Variants in KHDRBS3 observed in about 807,000 individuals in gnomAD.
KHDRBS3 encodes the protein KH domain-containing, RNA-binding, signal transduction-associated protein 3.
In KHDRBS3, 23 loss-of-function variants were observed where a neutral mutation model predicts 45.6. The observed-to-expected ratio is 0.50, with a 90% CI of 0.36 to 0.72. The LOEUF (loss-of-function observed/expected upper bound fraction) is 0.72, where lower values mean the gene tolerates loss of function less well. Ranked by LOEUF, KHDRBS3 falls within the 30% of genes least tolerant of loss-of-function variation. The pLI, the probability that KHDRBS3 is intolerant of heterozygous loss-of-function variation, is 0.00. For missense variants in KHDRBS3, 352 were observed against 424.8 expected (o/e 0.83, Z 1.51); for synonymous variants, 162 against 156.5 (o/e 1.04, Z -0.26).
intron 1 of KHDRBS3, among the ~76,000 whole-genome samples, chr8:135,495,901 C>T (rs576862450): frequency 2.0e-5 from 3 of 152,096 alleles, no homozygotes; most frequent in African/African-American, 7.2e-5. Context: ...GAAGTAGTTA[C>T]TTGGGTTTTA....
chr8:135,530,763 C>G (rs758679637), intron 2 of KHDRBS3, among the ~76,000 whole-genome samples: 1 of 152,104 alleles, frequency 6.6e-6, no homozygotes, highest in Non-Finnish European at 1.5e-5. Flanking sequence ...TGCCAGATAC[C>G]AGGACATAAT....
chr8:135,515,107 C>G (rs1041412093), intron 1 of KHDRBS3, among the ~76,000 whole-genome samples: 1 of 151,940 alleles, frequency 6.6e-6, no homozygotes, highest in Non-Finnish European at 1.5e-5. Flanking sequence ...TGGCTCACGC[C>G]TGTAATCCCA....
At chr8:135,574,463 A>T (rs1827861070) in intron 5 of KHDRBS3, among the ~76,000 whole-genome samples, 1 of 152,252 alleles carries the variant, frequency 6.6e-6, no homozygotes, top group Non-Finnish European at 1.5e-5. Flanking sequence ...CGAGTGGTGC[A>T]TAACCAACAA....
rs1412879460 is a variant in KHDRBS3 at position 135,608,405 on chromosome 8, G to T, written c.890+1368G>T. Reference sequence around the variant, plus strand: ...TTGCTGAGTGCATACTATATTCCTGGCACTGTTTCCATAAGTTCTGTAAGG... The same window carrying T: ...TTGCTGAGTGCATACTATATTCCTGTCACTGTTTCCATAAGTTCTGTAAGG... On this transcript the variant is annotated intron_variant, in intron 7 of 8. Coordinates refer to ENST00000355849, the MANE Select transcript of KHDRBS3 (RefSeq NM_006558.3). 2.6e-5 allele frequency among the ~76,000 whole-genome samples: 4 copies of T among 152,084 alleles called. No individual in the cohort carries two copies. The East Asian group carries it at 7.7e-4, about 29-fold the overall frequency.
chr8:135,560,506 A>G (rs1041312241), intron 5 of KHDRBS3, among the ~76,000 whole-genome samples: 1 of 152,136 alleles, frequency 6.6e-6, no homozygotes. Context: ...TGTTTAGGGG[A>G]TACTGTGTTC....
intron 1 of KHDRBS3, among the ~76,000 whole-genome samples, chr8:135,515,365 TAAAAAAAAAAAAAAAAAAAAAAAAAAAA>T (rs59502823): frequency 2.5e-5 from 1 of 39,716 alleles, no homozygotes; most frequent in Non-Finnish European, 4.8e-5. Context: ...GACTCCGTCT[TAAAAAAAAAAAAAAAAAAAAAAAAAAAA>T]AAAAAAAAAG....
chr8:135,536,633 G>T (rs1586681314), intron 2 of KHDRBS3, among the ~76,000 whole-genome samples: 1 of 152,150 alleles, frequency 6.6e-6, no homozygotes, highest in Non-Finnish European at 1.5e-5. Context: ...CTAGACTAGG[G>T]TGGTTGTGGG....
chr8:135,566,414 TATAATA>T (rs1386078365), intron 5 of KHDRBS3, among the ~76,000 whole-genome samples: 1 of 152,202 alleles, frequency 6.6e-6, no homozygotes, highest in Non-Finnish European at 1.5e-5. Flanking sequence ...GCCAAAGTAT[TATAATA>T]ATATCTTCAT....
intron 5 of KHDRBS3, among the ~76,000 whole-genome samples, chr8:135,565,609 C>T (rs1320211344): frequency 6.6e-6 from 1 of 152,180 alleles, no homozygotes; most frequent in Non-Finnish European, 1.5e-5. Context: ...CTGCCCTGTG[C>T]ACTTGTGGTT....
intron 2 of KHDRBS3, among the ~76,000 whole-genome samples, chr8:135,529,307 G>C (rs1825349388): frequency 6.6e-6 from 1 of 152,104 alleles, no homozygotes; most frequent in Non-Finnish European, 1.5e-5. Flanking sequence ...CTCTGGACTT[G>C]GGTCTTGTGA....
At chr8:135,576,854 C>A (rs930881143) in intron 5 of KHDRBS3, among the ~76,000 whole-genome samples, 9 of 152,070 alleles carry the variant, frequency 5.9e-5, no homozygotes, top group African/African-American at 2.2e-4. Flanking sequence ...CATATTTAAC[C>A]ATCTGTAAAT....
At chr8:135,639,671 C>G (rs373497148) in intron 7 of KHDRBS3, among the ~76,000 whole-genome samples, 1 of 152,230 alleles carries the variant, frequency 6.6e-6, no homozygotes, top group Non-Finnish European at 1.5e-5. Flanking sequence ...TTAATTGGCT[C>G]ACAGTTCTGC....
At chr8:135,532,046 A>G (rs1233890152) in intron 2 of KHDRBS3, among the ~76,000 whole-genome samples, 1 of 152,128 alleles carries the variant, frequency 6.6e-6, no homozygotes, top group African/African-American at 2.4e-5. Flanking sequence ...CAGTAATGCA[A>G]AGCTTGACTC....
intron 7 of KHDRBS3, among the ~76,000 whole-genome samples, chr8:135,623,064 G>T (rs1830213937): frequency 6.6e-6 from 1 of 152,062 alleles, no homozygotes; most frequent in African/African-American, 2.4e-5. Context: ...TTTCAACCTG[G>T]TTTTTCAATG....
chr8:135,520,102 C>T (rs1824832438), intron 1 of KHDRBS3, among the ~76,000 whole-genome samples: 1 of 152,208 alleles, frequency 6.6e-6, no homozygotes, highest in African/African-American at 2.4e-5. Flanking sequence ...TCTTTGTCAT[C>T]TGTCTTGAGG....
chr8:135,463,260 G>A (rs1489107341), intron 1 of KHDRBS3, among the ~76,000 whole-genome samples: 3 of 152,160 alleles, frequency 2.0e-5, no homozygotes, highest in Non-Finnish European at 4.4e-5. Context: ...AGTGTTACGT[G>A]TTAATTATCA....
intron 6 of KHDRBS3, among the ~76,000 whole-genome samples, chr8:135,606,147 T>C (rs1829452120): frequency 6.6e-6 from 1 of 152,082 alleles, no homozygotes; most frequent in Non-Finnish European, 1.5e-5. Context: ...CAAGGGCCTC[T>C]GGGTGCCTAT....
At chr8:135,527,065 T>C (rs1008191942) in intron 2 of KHDRBS3, among the ~76,000 whole-genome samples, 1 of 151,862 alleles carries the variant, frequency 6.6e-6, no homozygotes, top group Non-Finnish European at 1.5e-5. Flanking sequence ...TACATTATGG[T>C]TTAGGGTTTA....
At chr8:135,630,638 T>A (rs576760112) in intron 7 of KHDRBS3, among the ~76,000 whole-genome samples, 1 of 152,200 alleles carries the variant, frequency 6.6e-6, no homozygotes, top group Non-Finnish European at 1.5e-5. Context: ...CTAGGCTAGA[T>A]GATACAGCCT....
Sources: allele counts gnomAD v4.1 joint callset (sites outside exome capture counted in the v4.1 genomes callset), GRCh38; gene constraint gnomAD v4.1.1; transcripts MANE v1.5; gene names NCBI Gene and HGNC (gene_info 2026-07-23, HGNC 2026-07-21).